Variants in NEBL observed in about 807,000 individuals in gnomAD.
The protein encoded by NEBL is LIM and SH3 protein 2.
A neutral mutation model predicts 140.2 loss-of-function variants in NEBL; 122 were observed. The observed-to-expected ratio is 0.87, with a 90% CI of 0.75 to 1.01. The LOEUF (loss-of-function observed/expected upper bound fraction) is 1.01, where lower values mean the gene tolerates loss of function less well. Ranked by LOEUF, NEBL falls within the 50% of genes least tolerant of loss-of-function variation. The probability of loss-of-function intolerance (pLI) is 0.00; values close to 1 mark genes in which losing one functional copy is unlikely to be tolerated. For synonymous variants in NEBL, 436 were observed against 398.9 expected (o/e 1.09, Z -1.11); for missense variants, 1,365 against 1,231.3 (o/e 1.11, Z -1.62).
intron 3 of NEBL, among the ~76,000 whole-genome samples, chr10:21,180,204 T>A (rs981061080): frequency 6.6e-6 from 1 of 151,862 alleles, no homozygotes; most frequent in Non-Finnish European, 1.5e-5. Flanking sequence ...TGAAGGAACA[T>A]GCCCCTCAGA....
In NEBL at chr10:20,984,387, T is replaced by C. The variant is rs184099962; in HGVS notation, c.250-22608A>G. 1.9e-3 allele frequency among the ~76,000 whole-genome samples: 297 copies of C among 152,318 alleles called. 1 individual carries two copies. The highest frequency in any genetic ancestry group is 6.6e-3 in the African/African-American group (275 of 41,582). Reference sequence around the variant, plus strand: ...TAATCTAGAGGAATGGAATGTTGTTTATGTTTTTCATGTAGGACAAAATAA... The same window carrying C: ...TAATCTAGAGGAATGGAATGTTGTTCATGTTTTTCATGTAGGACAAAATAA... On this transcript the variant is annotated intron_variant, in intron 3 of 6. Coordinates refer to the NEBL transcript ENST00000417816.
At position 21,033,233 on chromosome 10, in the gene NEBL, G is replaced by C. The variant is rs139791706; in HGVS notation, c.165-13032C>G. 2.9e-3 allele frequency among the ~76,000 whole-genome samples: 437 copies of C among 152,188 alleles called. 2 individuals carry two copies. Among genetic ancestry groups the C allele is most frequent in the African/African-American group, 0.01 (417 of 41,506 alleles). The stretch of plus-strand genomic sequence containing the variant: ...TGGGACTCGAGTATCTAAGATATGA[G>C]TATACTCTGAAAAATATCAAAACAA... On this transcript the variant is annotated intron_variant, in intron 2 of 6. Transcript: ENST00000417816.
chr10:20,971,437 A>AT (rs910210672), intron 3 of NEBL, among the ~76,000 whole-genome samples: 34 of 150,244 alleles, frequency 2.3e-4, no homozygotes, highest in African/African-American at 7.3e-4. Flanking sequence ...ACAGAATAGA[A>AT]TTTTTTTTTC....
intron 2 of NEBL, among the ~76,000 whole-genome samples, chr10:21,020,578 A>G (rs1301803352): frequency 6.6e-6 from 1 of 152,036 alleles, no homozygotes; most frequent in African/African-American, 2.4e-5. Context: ...GTGCCTGCCC[A>G]TCTCCTCTCC....
chr10:21,223,538 G>A (rs1451194818), intron 3 of NEBL, among the ~76,000 whole-genome samples: 2 of 152,158 alleles, frequency 1.3e-5, no homozygotes, highest in African/African-American at 4.8e-5. Context: ...TTGATGTACT[G>A]ATTTCCTTTC....
intron 1 of NEBL, among the ~76,000 whole-genome samples, chr10:21,287,437 G>C (rs1007870289): frequency 1.3e-5 from 2 of 152,180 alleles, no homozygotes; most frequent in African/African-American, 4.8e-5. Flanking sequence ...TTGGGAGGCT[G>C]AGGCAAAAGA....
At chr10:21,136,170 T>C (rs1262794878) in intron 2 of NEBL, among the ~76,000 whole-genome samples, 2 of 152,172 alleles carry the variant, frequency 1.3e-5, no homozygotes, top group East Asian at 3.9e-4. Flanking sequence ...GCATCTGCAT[T>C]AAGATCACCT....
At chr10:21,057,152 T>C (rs920793469) in intron 2 of NEBL, among the ~76,000 whole-genome samples, 6 of 152,108 alleles carry the variant, frequency 3.9e-5, no homozygotes, top group Admixed American at 3.9e-4. Context: ...TCCCAGATCT[T>C]ATGCCGGGCT....
intron 2 of NEBL, among the ~76,000 whole-genome samples, chr10:21,162,352 G>T (rs1166128058): frequency 7.2e-6 from 1 of 139,496 alleles, no homozygotes; most frequent in Non-Finnish European, 1.5e-5. Context: ...TATCAAATCT[G>T]AGGGGGTCGT....
chr10:20,980,525 A>C (rs1318900895), intron 3 of NEBL, among the ~76,000 whole-genome samples: 1 of 152,218 alleles, frequency 6.6e-6, no homozygotes, highest in Non-Finnish European at 1.5e-5. Flanking sequence ...TCATGTACAT[A>C]TATAGCGTGC....
chr10:20,943,201 A>C (rs1004714760), intron 4 of NEBL, among the ~76,000 whole-genome samples: 1 of 152,238 alleles, frequency 6.6e-6, no homozygotes, highest in Non-Finnish European at 1.5e-5. Context: ...AATGTCCAAC[A>C]ATGAAAGACT....
chr10:21,008,798 T>C (rs549597310), intron 3 of NEBL, among the ~76,000 whole-genome samples: 12 of 152,300 alleles, frequency 7.9e-5, no homozygotes, highest in Admixed American at 2.6e-4. Flanking sequence ...GGTTCGGTAC[T>C]ATCTGCAGTT....
intron 3 of NEBL, among the ~76,000 whole-genome samples, chr10:20,983,386 T>C (rs1197397910): frequency 6.6e-6 from 1 of 152,210 alleles, no homozygotes; most frequent in Non-Finnish European, 1.5e-5. Flanking sequence ...ACTCCAATGA[T>C]AGCTTAATTT....
chr10:20,928,189 G>A (rs186751521), intron 4 of NEBL, among the ~76,000 whole-genome samples: 7 of 152,266 alleles, frequency 4.6e-5, no homozygotes, highest in Admixed American at 2.0e-4. Context: ...TGGTACAGTT[G>A]AAAAAGTAGA....
In NEBL at chr10:21,082,761, A is replaced by ATTTTTTTTTTT. The variant is rs71392113; in HGVS notation, c.165-62571_165-62561dup. ...ATTATGGGATATGCAGGAGGGATGCATTTTTTTTTTTTTTTTTTTGAGACA... is the reference window on the plus strand; with the variant it reads ...ATTATGGGATATGCAGGAGGGATGCATTTTTTTTTTTTTTTTTTTTTTTTTTTTTTGAGACA... On this transcript the variant is annotated intron_variant, in intron 2 of 6. Coordinates refer to the NEBL transcript ENST00000417816. Among the ~76,000 whole-genome samples the ATTTTTTTTTTT allele has an allele frequency of 4.6e-5, 5 of 109,548 alleles. 1 individual carries two copies. The highest frequency in any genetic ancestry group is 7.2e-5 in the Non-Finnish European group (4 of 55,828). 71.9% of individuals were successfully genotyped at this position (109,548 alleles called of 152,430 possible).
chr10:20,943,939 C>T (rs1051346202), intron 4 of NEBL, among the ~76,000 whole-genome samples: 2 of 152,184 alleles, frequency 1.3e-5, no homozygotes, highest in Admixed American at 6.5e-5. Context: ...CTAAAATGAC[C>T]TATGCTAGTC....
intron 3 of NEBL, among the ~76,000 whole-genome samples, chr10:21,182,527 T>G (rs1249538832): frequency 6.6e-6 from 1 of 152,196 alleles, no homozygotes; most frequent in Non-Finnish European, 1.5e-5. Context: ...GTGCGTATAT[T>G]CTTGTCTTTA....
chr10:20,834,460 C>T (rs1357233302), intron 14 of NEBL, among the ~76,000 whole-genome samples: 1 of 152,186 alleles, frequency 6.6e-6, no homozygotes, highest in Non-Finnish European at 1.5e-5. Flanking sequence ...CTTCCTTTGT[C>T]TTATTCAATC....
At chr10:21,054,399 G>A (rs573057680) in intron 2 of NEBL, among the ~76,000 whole-genome samples, 81 of 152,284 alleles carry the variant, frequency 5.3e-4, no homozygotes, top group African/African-American at 1.9e-3. Context: ...TGTCCGGAAC[G>A]TTCCAAGTCA....
Sources: gnomAD v4.1 joint callset for allele counts (sites outside exome capture counted in the v4.1 genomes callset) on GRCh38, gnomAD v4.1.1 for gene constraint, MANE v1.5 for transcripts, NCBI Gene and HGNC (gene_info 2026-07-23, HGNC 2026-07-21) for gene names.